TCEAL9: variants seen among roughly 807,000 people sequenced by gnomAD.
TCEAL9 encodes transcription elongation factor A protein-like 9.
TCEAL9 carries 2 observed loss-of-function variants against 5.2 expected under a neutral mutation model. The ratio of observed to expected loss-of-function variants is 0.38; its 90% CI spans 0.16 to 1.21. The LOEUF is 1.21. Ranked by LOEUF, TCEAL9 falls within the 50% of genes most tolerant of loss-of-function variation. TCEAL9 has a pLI of 0.35. For missense variants in TCEAL9, 76 were observed against 74.2 expected (o/e 1.02, Z -0.09); for synonymous variants, 26 against 22.3 (o/e 1.17, Z -0.47).
At chrX:103,357,514 A>G in intron 2 of TCEAL9, 101 bp from the exon 3 acceptor site, 3 of 613,235 alleles carry the variant, frequency 4.9e-6, no homozygotes, top group Non-Finnish European at 7.2e-6. Context: ...AAGATATTTT[A>G]TAACAGCTCT....
At position 103,358,015 on chromosome X, in the gene TCEAL9, A is replaced by G. The variant is rs749669955; in HGVS notation, c.*16A>G. The stretch of plus-strand genomic sequence containing the variant: ...TTTAATGTAGTTTACCTTGATTTTT[A>G]TCTGATATTAACAATACCATATAGC... On this transcript the variant is annotated 3_prime_UTR_variant, in exon 3 of 3. Transcript: ENST00000372661. The G allele has an allele frequency of 8.5e-7, 1 of 1,174,211 alleles. No individual in the cohort carries two copies. Among genetic ancestry groups the G allele is most frequent in the South Asian group, 2.0e-5 (1 of 50,662 alleles).
rs1246084549 is a variant in TCEAL9, at chrX:103,358,241, G to C, written c.*242G>C. On this transcript the variant is annotated 3_prime_UTR_variant, in exon 3 of 3. Coordinates refer to ENST00000372661, the MANE Select transcript of TCEAL9 (RefSeq NM_016303.3). Reference sequence around the variant, plus strand: ...GAGGTTCTTGGTAAGATATAAAATGGAAAAAGGCTAAGTAATATGTGAATA... The same window carrying C: ...GAGGTTCTTGGTAAGATATAAAATGCAAAAAGGCTAAGTAATATGTGAATA... 3.7e-6 allele frequency: 1 copy of C among 272,044 alleles called. No homozygotes were observed. The highest frequency in any genetic ancestry group is 2.8e-5 in the African/African-American group (1 of 35,409). The allele number at this position is 272,044 out of a possible 1,213,427, so 22.4% of individuals were successfully genotyped here.
chrX:103,356,846 A>C (rs1926882831), intron 1 of TCEAL9: 1 of 111,120 alleles, frequency 9.0e-6, no homozygotes, highest in Non-Finnish European at 1.9e-5. Flanking sequence ...CCTCCTCCCG[A>C]ACCCCGCCTC....
Position 103,358,288 on chromosome X carries a change from A to G in TCEAL9, c.*289A>G. ...AATATCATATTTTTGAAAGGTAAAA[A>G]GTACATTTGTATATTACATATATGG... On this transcript the variant is annotated 3_prime_UTR_variant, in exon 3 of 3. Transcript: ENST00000372661. 5.1e-6 allele frequency: 1 copy of G among 195,794 alleles called. No individual in the cohort carries two copies. Among genetic ancestry groups the G allele is most frequent in the Non-Finnish European group, 9.9e-6 (1 of 100,546 alleles). 16.1% of individuals were successfully genotyped at this position (195,794 alleles called of 1,213,427 possible). A position where few individuals can be genotyped will look rare whatever the true frequency, so the allele number is the denominator to read the frequency against.
In TCEAL9 at chrX:103,357,660, A is replaced by G. The variant is rs1245267844; in HGVS notation, c.-25A>G. Reference sequence around the variant, plus strand: ...GAATAAGCAAGAAAGAAAAGAAGGAAGGAAGAGAGGTAGACAGATACAAGA... The same window carrying G: ...GAATAAGCAAGAAAGAAAAGAAGGAGGGAAGAGAGGTAGACAGATACAAGA... On this transcript the variant is annotated 5_prime_UTR_variant, in exon 3 of 3. Transcript: ENST00000372661. 2 of 1,158,510 alleles carry G rather than the reference A, an allele frequency of 1.7e-6. No individual in the cohort carries two copies. The highest frequency in any genetic ancestry group is 2.3e-6 in the Non-Finnish European group (2 of 873,810).
At chrX:103,356,916 G>A (rs1455096635) in intron 1 of TCEAL9, 167 bp from the exon 2 acceptor site, 6 of 111,261 alleles carry the variant, frequency 5.4e-5, no homozygotes, top group African/African-American at 2.0e-4. Context: ...TGGGAAAAAC[G>A]AACTGACTTG....
Position 103,358,273 on chromosome X carries a change from T to C in TCEAL9, c.*274T>C, listed in dbSNP as rs1163745440. On this transcript the variant is annotated 3_prime_UTR_variant, in exon 3 of 3. Coordinates refer to ENST00000372661, the MANE Select transcript of TCEAL9 (RefSeq NM_016303.3). ...GCTAAGTAATATGTGAATATCATATTTTTGAAAGGTAAAAAGTACATTTGT... is the reference window on the plus strand; with the variant it reads ...GCTAAGTAATATGTGAATATCATATCTTTGAAAGGTAAAAAGTACATTTGT... 3 of 212,625 alleles carry C rather than the reference T, an allele frequency of 1.4e-5. No homozygotes were observed. The highest frequency in any genetic ancestry group is 2.7e-5 in the Non-Finnish European group (3 of 112,548). 17.5% of individuals were successfully genotyped at this position (212,625 alleles called of 1,213,427 possible).
intron 1 of TCEAL9, chrX:103,356,856 C>G (rs1299044679): frequency 9.0e-6 from 1 of 111,308 alleles, no homozygotes; most frequent in African/African-American, 3.3e-5. Flanking sequence ...AACCCCGCCT[C>G]AGTCTTAAAG....
chrX:103,357,559 A>G, intron 2 of TCEAL9, 56 bp from the exon 3 acceptor site: 2 of 928,238 alleles, frequency 2.2e-6, no homozygotes, highest in East Asian at 3.4e-5. Flanking sequence ...GCCTCTGTCC[A>G]CAGCACCTGT....
In TCEAL9 at chrX:103,357,613, A is replaced by G. The variant is rs2147704885; in HGVS notation, c.-70-2A>G. 1 of 1,108,794 alleles carries G rather than the reference A, an allele frequency of 9.0e-7. No homozygotes were observed. Among genetic ancestry groups the G allele is most frequent in the Non-Finnish European group, 1.2e-6 (1 of 846,072 alleles). 91.4% of individuals were successfully genotyped at this position (1,108,794 alleles called of 1,213,427 possible). The stretch of plus-strand genomic sequence containing the variant: ...ACTTACTGTCTTCTTTTTGCTTTCT[A>G]GAAGTCATTGTATTCAAAGAAGAAT... On this transcript the variant is annotated splice_acceptor_variant, in intron 2 of 2. Coordinates refer to ENST00000372661, the MANE Select transcript of TCEAL9 (RefSeq NM_016303.3). LOFTEE classifies it low-confidence loss of function (5UTR_SPLICE).
Position 103,357,694 on chromosome X carries a change from T to C in TCEAL9, c.10T>C (p.Cys4Arg). The C allele has an allele frequency of 8.3e-7, 1 of 1,202,281 alleles. No individual in the cohort carries two copies. Among genetic ancestry groups the C allele is most frequent in the Non-Finnish European group, 1.1e-6 (1 of 891,716 alleles). Reference sequence around the variant, plus strand: ...GGTAGACAGATACAAGATGAAATCCTGTCAAAAAATGGAAGGAAAACCAGA... The same window carrying C: ...GGTAGACAGATACAAGATGAAATCCCGTCAAAAAATGGAAGGAAAACCAGA... MKS[C>R]QKMEGKPENE... Residue 4 changes from cysteine to arginine, a missense_variant, in exon 3 of 3, where the codon TGT becomes CGT. Transcript: ENST00000372661.
At position 103,356,518 on chromosome X, in the gene TCEAL9, G is replaced by C. The variant is rs1252460669; in HGVS notation, c.-238G>C. 9.0e-6 allele frequency: 1 copy of C among 111,382 alleles called. No individual in the cohort carries two copies. Among genetic ancestry groups the C allele is most frequent in the Non-Finnish European group, 1.9e-5 (1 of 53,013 alleles). The allele number at this position is 111,382 out of a possible 1,213,427, so 9.2% of individuals were successfully genotyped here. On this transcript the variant is annotated 5_prime_UTR_variant, in exon 1 of 3. Transcript: ENST00000372661. The stretch of plus-strand genomic sequence containing the variant: ...CAGAAGTCCTGGTAATCTGGTCCTT[G>C]TTCCCGTCTGGATACCAGCTTCCTT...
Position 103,357,717 on chromosome X carries a change from A to C in TCEAL9, c.33A>C (p.Pro11=), listed in dbSNP as rs1472801998. The stretch of plus-strand genomic sequence containing the variant: ...CCTGTCAAAAAATGGAAGGAAAACC[A>C]GAAAATGAGAGTGAACCAAAGCATG... MKSCQKMEGK[P]ENESEPKHEE... The change falls in exon 3 of 3, where the codon CCA becomes CCC. Residue 11 remains proline (P), a synonymous_variant. Transcript: ENST00000372661. 8.3e-7 allele frequency: 1 copy of C among 1,206,258 alleles called. No homozygotes were observed.
In TCEAL9 at chrX:103,358,218, G is replaced by C. The variant is rs1478286460; in HGVS notation, c.*219G>C. 9.8e-6 allele frequency: 3 copies of C among 306,838 alleles called. No homozygotes were observed. Among genetic ancestry groups the C allele is most frequent in the Non-Finnish European group, 1.7e-5 (3 of 174,013 alleles). 25.3% of individuals were successfully genotyped at this position (306,838 alleles called of 1,213,427 possible). The stretch of plus-strand genomic sequence containing the variant: ...GAACTTTACACATTTGTAAAAAAGA[G>C]GTTCTTGGTAAGATATAAAATGGAA... On this transcript the variant is annotated 3_prime_UTR_variant, in exon 3 of 3. Transcript: ENST00000372661.
Position 103,357,935 on chromosome X carries a change from G to C in TCEAL9, c.251G>C (p.Arg84Thr). The C allele has an allele frequency of 2.5e-6, 3 of 1,211,982 alleles. No individual in the cohort carries two copies. The highest frequency in any genetic ancestry group is 3.3e-6 in the Non-Finnish European group (3 of 895,588). ...GAAATAGATGAGATAAGGAGAGTCAGAAACAAACTTATAGTGATGCGTTGG... is the reference window on the plus strand; with the variant it reads ...GAAATAGATGAGATAAGGAGAGTCACAAACAAACTTATAGTGATGCGTTGG... ...VDEIDEIRRVRNKLIVMRWKV... is the reference protein window; with the variant it reads ...VDEIDEIRRVTNKLIVMRWKV... The change falls in exon 3 of 3, where the codon AGA becomes ACA. Residue 84 changes from arginine (R) to threonine (T), a missense_variant. Arg to Thr is a moderately conservative substitution (Grantham distance 71). Transcript: ENST00000372661.
At chrX:103,357,390 A>ACTCC in intron 2 of TCEAL9, 5 of 208,546 alleles carry the variant, frequency 2.4e-5, no homozygotes, top group Non-Finnish European at 3.4e-5. Flanking sequence ...GGCGGAAAGG[A>ACTCC]GGGCCTTGGA....
intron 2 of TCEAL9, 152 bp from the exon 3 acceptor site, chrX:103,357,463 G>T: frequency 2.6e-6 from 1 of 385,775 alleles, no homozygotes. Context: ...AAAGGAGTGG[G>T]GATAGTGAAG....
chrX:103,357,935 GAAAC>G lies in TCEAL9; in HGVS notation c.256_259del (p.Lys86LeufsTer2), dbSNP rs1409282927. On this transcript the variant is annotated frameshift_variant, in exon 3 of 3. Transcript: ENST00000372661. LOFTEE classifies it high-confidence loss of function. ...GAAATAGATGAGATAAGGAGAGTCA[GAAAC>G]AAACTTATAGTGATGCGTTGGAAGG... The G allele has an allele frequency of 1.7e-6, 2 of 1,210,432 alleles. No homozygotes were observed. The highest frequency in any genetic ancestry group is 2.2e-6 in the Non-Finnish European group (2 of 895,369).
At chrX:103,357,430 T>G (rs1602988510) in intron 2 of TCEAL9, 185 bp from the exon 3 acceptor site, 2 of 300,189 alleles carry the variant, frequency 6.7e-6, no homozygotes, top group African/African-American at 2.7e-5. Flanking sequence ...AAGAGAGAAG[T>G]GAGGAGGTGG....
Sources: allele counts gnomAD v4.1 joint callset, GRCh38; gene constraint gnomAD v4.1.1; transcripts MANE v1.5; gene names NCBI Gene and HGNC (gene_info 2026-07-23, HGNC 2026-07-21).